PPOX: variants seen among roughly 807,000 people sequenced by gnomAD.
The protein encoded by PPOX is protoporphyrinogen oxidase.
A neutral mutation model predicts 54.1 loss-of-function variants in PPOX; 23 were observed. The ratio of observed to expected loss-of-function variants is 0.43; its 90% CI spans 0.31 to 0.60. The LOEUF (loss-of-function observed/expected upper bound fraction) is 0.60. Ranked by LOEUF, PPOX falls within the 20% of genes least tolerant of loss-of-function variation. The pLI, the probability that PPOX is intolerant of heterozygous loss-of-function variation, is 0.13. For synonymous variants in PPOX, 224 were observed against 236.1 expected, an observed-to-expected ratio of 0.95 and a Z score of 0.47; for missense variants, 512 against 601.1, an observed-to-expected ratio of 0.85 and a Z score of 1.55.
At position 161,170,468 on chromosome 1, in the gene PPOX, C is replaced by G; in HGVS notation, c.1047C>G (p.Asp349Glu). ...CAGGAGTCCTGGGAATCGTGTATGA[C>G]TCAGTTGCTTTCCCTGAGCAGGACG... ...EDPGVLGIVYDSVAFPEQDGS... is the reference protein window; with the variant it reads ...EDPGVLGIVYESVAFPEQDGS... The change falls in exon 10 of 13, where the codon GAC becomes GAG. Residue 349 changes from aspartate to glutamate, a missense_variant. By Grantham distance (45) the Asp-to-Glu change is conservative. Transcript: ENST00000367999. The G allele has an allele frequency of 1.9e-6, 3 of 1,614,246 alleles. No individual in the cohort carries two copies. The highest frequency in any genetic ancestry group is 2.5e-6 in the Non-Finnish European group (3 of 1,180,050).
chr1:161,166,239 C>A (rs954068462), upstream of PPOX: 34 of 959,706 alleles, frequency 3.5e-5, no homozygotes, highest in South Asian at 4.8e-5. Flanking sequence ...CTGAGGAGGG[C>A]AGTGACGGGT....
chr1:161,174,983 T>C (rs187376305), downstream of PPOX: 2,001 of 1,612,070 alleles, frequency 1.2e-3, 1 homozygote, highest in Non-Finnish European at 1.5e-3. Flanking sequence ...GAGGTGGAGA[T>C]TGGGGGTACC....
intron 5 of PPOX, 122 bp downstream of exon 5, chr1:161,168,249 C>G: frequency 6.4e-7 from 1 of 1,550,760 alleles, no homozygotes; most frequent in Non-Finnish European, 8.9e-7. Flanking sequence ...CTCTTCATAC[C>G]CCACCCCCTC....
chr1:161,175,949 A>G, downstream of PPOX: 1 of 1,614,118 alleles, frequency 6.2e-7, no homozygotes, highest in Non-Finnish European at 8.5e-7. Flanking sequence ...TCTCGGCCAA[A>G]TAGGGCACTG....
chr1:161,170,320 GTCCCCC>G, intron 9 of PPOX, 83 bp from the exon 10 acceptor site: 1 of 494,792 alleles, frequency 2.0e-6, no homozygotes, highest in Admixed American at 2.4e-5. Flanking sequence ...GTGAGACTCT[GTCCCCC>G]CCACCCCCCC....
chr1:161,170,321 T>TGGGGGGGGCCC, intron 9 of PPOX, 88 bp from the exon 10 acceptor site: 1 of 367,758 alleles, frequency 2.7e-6, no homozygotes, highest in Non-Finnish European at 5.3e-6. Context: ...TGAGACTCTG[T>TGGGGGGGGCCC]CCCCCCCACC....
intron 4 of PPOX, chr1:161,176,810 G>A (rs1663715090): frequency 6.6e-7 from 1 of 1,511,298 alleles, no homozygotes; most frequent in Non-Finnish European, 8.9e-7. Flanking sequence ...ATTGGGGAGT[G>A]GGGACAGGAC....
intron 4 of PPOX, chr1:161,176,399 CT>C (rs1033583474): frequency 1.2e-5 from 5 of 422,184 alleles, no homozygotes; most frequent in African/African-American, 2.0e-5. Context: ...AGAGAACCCC[CT>C]CTTCCAATTT....
chr1:161,170,175 AT>A, intron 9 of PPOX, 151 bp downstream of exon 9: 1 of 1,042,934 alleles, frequency 9.6e-7, no homozygotes, highest in Non-Finnish European at 1.4e-6. Context: ...AAATACAAAA[AT>A]TAGCCAGGTG....
downstream of PPOX, chr1:161,172,409 C>CAA: frequency 4.8e-6 from 6 of 1,242,786 alleles, no homozygotes; most frequent in South Asian, 3.1e-5. Context: ...TCTGTACACA[C>CAA]AAAAAAACAA....
In PPOX at chr1:161,176,878, TCATGA is replaced by T. The variant is rs1481171049; in HGVS notation, c.405_409del (p.His135GlnfsTer7). ...AGAACCAGTTGAAGTGGCGACAGAG[TCATGA>T]CAGGACCGTGGAGTGGCCTAAGGAG... On this transcript the variant is annotated frameshift_variant, in exon 5 of 5. Transcript: ENST00000497522. LOFTEE classifies it low-confidence loss of function (END_TRUNC). 1.2e-5 allele frequency: 18 copies of T among 1,535,508 alleles called. No individual in the cohort carries two copies. In the East Asian group the frequency reaches 4.2e-4, roughly 35 times the overall value.
chr1:161,167,822 C>T (rs1278689021), intron 4 of PPOX, 173 bp from the exon 5 acceptor site: 11 of 1,079,330 alleles, frequency 1.0e-5, no homozygotes, highest in East Asian at 4.8e-5. Context: ...CTCGGCCTGC[C>T]AAAGTGCTGG....
chr1:161,177,041 G>A, exon 5 of PPOX: 1 of 1,536,032 alleles, frequency 6.5e-7, no homozygotes, highest in East Asian at 2.4e-5. Context: ...GAGTAGGGTG[G>A]GGGTGGCGTC....
downstream of PPOX, among the ~76,000 whole-genome samples, chr1:161,174,706 C>T (rs1332213379): frequency 6.6e-6 from 1 of 152,110 alleles, no homozygotes; most frequent in Admixed American, 6.5e-5. Context: ...TAACAAGTGA[C>T]GGAACTAGAA....
At chr1:161,175,746 C>T (rs930818255), downstream of PPOX, 2 of 1,587,530 alleles carry the variant, frequency 1.3e-6, no homozygotes, top group African/African-American at 1.3e-5. Flanking sequence ...CTCCCTATCC[C>T]CAAGCCTCCC....
At chr1:161,177,017 C>T in exon 5 of PPOX, 1 of 1,534,810 alleles carries the variant, frequency 6.5e-7, no homozygotes, top group African/African-American at 1.4e-5. Flanking sequence ...CGAACAGCCC[C>T]GGAGCTCGGC....
downstream of PPOX, chr1:161,172,335 T>C (rs1229352498): frequency 1.2e-5 from 20 of 1,612,648 alleles, no homozygotes; most frequent in Non-Finnish European, 1.7e-5. Context: ...GCGCACCCTA[T>C]GGGAAAAGTG....
In PPOX at chr1:161,167,491, CA is replaced by C. The variant is rs1659394216; in HGVS notation, c.338+6del. 1 of 1,609,210 alleles carries C rather than the reference CA, an allele frequency of 6.2e-7. No individual in the cohort carries two copies. Among genetic ancestry groups the C allele is most frequent in the African/African-American group, 1.3e-5 (1 of 74,760 alleles). On this transcript the variant is annotated splice_donor_region_variant and intron_variant, in intron 4 of 12. Coordinates refer to ENST00000367999, the MANE Select transcript of PPOX (RefSeq NM_001122764.3). ...TGCCCTACCCACTGGCCTCAGGTAA[CA>C]CCAGCACCTCCGCTCCTTTTACTGT...
downstream of PPOX, among the ~76,000 whole-genome samples, chr1:161,172,887 G>C (rs544892794): frequency 6.7e-6 from 1 of 149,098 alleles, no homozygotes; most frequent in Admixed American, 6.7e-5. Context: ...AAAAAAAAAC[G>C]AAAGAAAGAA....
Sources: gnomAD v4.1 joint callset for allele counts (sites outside exome capture counted in the v4.1 genomes callset) on GRCh38, gnomAD v4.1.1 for gene constraint, MANE v1.5 for transcripts, NCBI Gene and HGNC (gene_info 2026-07-23, HGNC 2026-07-21) for gene names.